SUPT20H: variants seen among roughly 807,000 people sequenced by gnomAD.
SUPT20H encodes the protein transcription factor SPT20 homolog.
SUPT20H carries 82 observed loss-of-function variants against 122.8 expected under a neutral mutation model. That is an observed-to-expected ratio of 0.67 (90% CI 0.56 to 0.80). The LOEUF is 0.80. Among genes scored for constraint, SUPT20H ranks in the 30% least tolerant of loss-of-function variants. The probability of loss-of-function intolerance (pLI) is 0.00; values close to 1 mark genes in which losing one functional copy is unlikely to be tolerated. For synonymous variants in SUPT20H, 291 were observed against 313.0 expected (o/e 0.93, Z 0.74); for missense variants, 831 against 921.6 (o/e 0.90, Z 1.27).
intron 2 of SUPT20H, among the ~76,000 whole-genome samples, chr13:37,049,291 C>T (rs1387601668): frequency 4.6e-5 from 7 of 152,094 alleles, no homozygotes; most frequent in Admixed American, 4.6e-4. Context: ...AAATATATTA[C>T]TGTTACTACA....
At chr13:37,024,291 T>TATA in intron 18 of SUPT20H, 49 bp downstream of exon 18, 1 of 1,521,324 alleles carries the variant, frequency 6.6e-7, no homozygotes, top group Non-Finnish European at 8.8e-7. Context: ...AGATTATGAT[T>TATA]ATATAATATT....
intron 1 of SUPT20H, among the ~76,000 whole-genome samples, chr13:37,052,065 C>A (rs1434259452): frequency 7.2e-5 from 11 of 152,020 alleles, no homozygotes; most frequent in Admixed American, 7.2e-4. Context: ...AATCCATGCT[C>A]ATGGATAGGA....
At chr13:37,044,280 A>G in intron 6 of SUPT20H, 99 bp from the exon 7 acceptor site, 2 of 867,062 alleles carry the variant, frequency 2.3e-6, no homozygotes, top group South Asian at 2.6e-5. Flanking sequence ...AATAAAACCA[A>G]AAGGCATTTC....
chr13:37,037,903 C>T (rs148413669), intron 9 of SUPT20H: 164 of 152,080 alleles, frequency 1.1e-3, no homozygotes, highest in African/African-American at 3.9e-3. Context: ...TAGAATTAAC[C>T]AGTTGCTTTC....
chr13:37,039,651 T>C (rs899012179), intron 9 of SUPT20H: 6 of 152,222 alleles, frequency 3.9e-5, no homozygotes, highest in Admixed American at 3.3e-4. Flanking sequence ...GGGAAACCAT[T>C]AGGTATGCAC....
chr13:37,037,596 C>A (rs2064722822), intron 9 of SUPT20H, among the ~76,000 whole-genome samples: 1 of 152,178 alleles, frequency 6.6e-6, no homozygotes, highest in South Asian at 2.1e-4. Context: ...CAAAACAAAA[C>A]CCTCTGCTCT....
At chr13:37,021,201 AT>A (rs1030775912) in intron 21 of SUPT20H, among the ~76,000 whole-genome samples, 1 of 152,188 alleles carries the variant, frequency 6.6e-6, no homozygotes, top group African/African-American at 2.4e-5. Context: ...TAATTTTGTT[AT>A]TTGGAAAGCA....
At chr13:37,035,293 T>C (rs28830525) in intron 9 of SUPT20H, among the ~76,000 whole-genome samples, 1 of 152,192 alleles carries the variant, frequency 6.6e-6, no homozygotes, top group African/African-American at 2.4e-5. Flanking sequence ...GCATGATTCA[T>C]GGGAGGAGGT....
chr13:37,036,817 T>C (rs78810771), intron 9 of SUPT20H, among the ~76,000 whole-genome samples: 5,153 of 152,284 alleles, frequency 0.034, 187 homozygotes, highest in African/African-American at 0.096. Context: ...ACATATTTTC[T>C]CTTAGGATTT....
intron 8 of SUPT20H, 42 bp from the exon 9 acceptor site, chr13:37,040,500 C>A: frequency 6.3e-7 from 1 of 1,579,818 alleles, no homozygotes; most frequent in South Asian, 1.2e-5. Context: ...AATCTATGCA[C>A]AAACATATGA....
At chr13:37,051,205 C>A (rs955127137) in intron 2 of SUPT20H, among the ~76,000 whole-genome samples, 34 of 152,208 alleles carry the variant, frequency 2.2e-4, no homozygotes, top group African/African-American at 7.7e-4. Context: ...ATCCTCCTTG[C>A]CAACGATTTG....
chr13:37,053,285 A>G (rs1156324340), intron 1 of SUPT20H, among the ~76,000 whole-genome samples: 1 of 152,226 alleles, frequency 6.6e-6, no homozygotes, highest in African/African-American at 2.4e-5. Flanking sequence ...AATGCCCACC[A>G]ATGATAGACT....
rs780680181 is a variant in SUPT20H, at chr13:37,028,211, T to C, written c.1088A>G (p.Tyr363Cys). 21 of 1,613,704 alleles carry C rather than the reference T, an allele frequency of 1.3e-5. No individual in the cohort carries two copies. In the South Asian group the frequency reaches 2.0e-4, roughly 15 times the overall value. Residue 363 changes from tyrosine (Y) to cysteine (C), a missense_variant, in exon 14 of 26, where the codon TAC (tyrosine) becomes TGC (cysteine). Transcript: ENST00000350612. ...TILQSLGDPL[Y>C]YGKIQPCKAD... is the part of the protein sequence containing the mutation. ...TTTACATGGCTGTATTTTACCATAG[T>C]AAAGTGGATCTCCAAGCGACTGCAA...
At chr13:37,033,358 G>A in intron 10 of SUPT20H, 91 bp downstream of exon 10, 3 of 1,474,134 alleles carry the variant, frequency 2.0e-6, no homozygotes, top group Non-Finnish European at 2.7e-6. Flanking sequence ...CAAAATCGGA[G>A]CAACCATACC....
intron 6 of SUPT20H, among the ~76,000 whole-genome samples, chr13:37,044,653 C>T (rs185276948): frequency 1.3e-5 from 2 of 152,254 alleles, no homozygotes; most frequent in Admixed American, 6.5e-5. Flanking sequence ...TTCACATTAT[C>T]ATCATATTAA....
At chr13:37,028,392 T>TA in intron 13 of SUPT20H, 87 bp from the exon 14 acceptor site, 1 of 1,214,646 alleles carries the variant, frequency 8.2e-7, no homozygotes. Context: ...AATGATACAG[T>TA]AACATGTATC....
At chr13:37,015,441 C>T (rs185898770) in intron 23 of SUPT20H, among the ~76,000 whole-genome samples, 144 of 147,646 alleles carry the variant, frequency 9.8e-4, no homozygotes, top group Non-Finnish European at 1.8e-3. Context: ...ATCAAAACCA[C>T]AATGGGATTA....
chr13:37,054,880 A>C (rs1044657214), intron 1 of SUPT20H, among the ~76,000 whole-genome samples: 4 of 152,184 alleles, frequency 2.6e-5, no homozygotes, highest in South Asian at 2.1e-4. Flanking sequence ...ATTGTCTCAG[A>C]CCAAAAACTC....
intron 17 of SUPT20H, 163 bp downstream of exon 17, chr13:37,025,157 G>T (rs1289572671): frequency 3.4e-6 from 2 of 596,404 alleles, no homozygotes; most frequent in African/African-American, 1.8e-5. Context: ...GGTCAGGCTG[G>T]TCTCGAACTC....
Sources: gnomAD v4.1 joint callset for allele counts (sites outside exome capture counted in the v4.1 genomes callset) on GRCh38, gnomAD v4.1.1 for gene constraint, MANE v1.5 for transcripts, NCBI Gene and HGNC (gene_info 2026-07-23, HGNC 2026-07-21) for gene names.